The following LDLRAD3 variants were observed in gnomAD, a reference collection of about 807,000 sequenced individuals.
LDLRAD3 encodes low density lipoprotein receptor class A domain containing 3.
Under a neutral mutation model 29.4 loss-of-function variants are expected in LDLRAD3, and 20 were observed. That is an observed-to-expected ratio of 0.68 (90% CI 0.48 to 0.99). The LOEUF (loss-of-function observed/expected upper bound fraction) is 0.99. LDLRAD3 is among the 50% of genes least tolerant of loss of function. The pLI is 0.00. For missense variants in LDLRAD3, 420 were observed against 454.3 expected (o/e 0.92, Z 0.69); for synonymous variants, 157 against 192.7 (o/e 0.81, Z 1.53).
intron 4 of LDLRAD3, chr11:36,101,953 A>G (rs575265595): frequency 1.4e-4 from 36 of 260,438 alleles, no homozygotes; most frequent in South Asian, 6.0e-4. Context: ...CAGTGGCACA[A>G]TCTCGGCTCA....
chr11:36,085,727 T>A (rs2133261351), intron 3 of LDLRAD3, among the ~76,000 whole-genome samples: 1 of 152,208 alleles, frequency 6.6e-6, no homozygotes, highest in Admixed American at 6.5e-5. Context: ...TCCTCCCTCC[T>A]CAGCCTCCTG....
chr11:36,214,912 G>A (rs1056246597), intron 4 of LDLRAD3, among the ~76,000 whole-genome samples: 21 of 152,318 alleles, frequency 1.4e-4, no homozygotes, highest in African/African-American at 2.9e-4. Flanking sequence ...GGGATTCAGG[G>A]ATGAGCAAGC....
chr11:36,135,512 C>T (rs965101856), intron 4 of LDLRAD3, among the ~76,000 whole-genome samples: 1 of 152,180 alleles, frequency 6.6e-6, no homozygotes, highest in Admixed American at 6.5e-5. Context: ...ATCACCTACC[C>T]ATCTCCCAAA....
chr11:36,180,794 C>G (rs1453201704), intron 4 of LDLRAD3, among the ~76,000 whole-genome samples: 1 of 151,994 alleles, frequency 6.6e-6, no homozygotes, highest in East Asian at 1.9e-4. Context: ...CCAAGGCCAG[C>G]GTGTGCCAAT....
chr11:36,029,802 TGTA>T (rs1852213089), intron 1 of LDLRAD3, among the ~76,000 whole-genome samples: 1 of 152,132 alleles, frequency 6.6e-6, no homozygotes, highest in Admixed American at 6.5e-5. Flanking sequence ...GCTTTACCCT[TGTA>T]GGAGAAACAA....
intron 1 of LDLRAD3, among the ~76,000 whole-genome samples, chr11:35,986,372 A>G (rs1329155161): frequency 1.3e-5 from 2 of 152,208 alleles, no homozygotes; most frequent in East Asian, 3.8e-4. Context: ...CTCTACCAGA[A>G]TATTGTTGAT....
At chr11:36,225,694 T>C (rs552510151) in intron 4 of LDLRAD3, among the ~76,000 whole-genome samples, 79 of 152,084 alleles carry the variant, frequency 5.2e-4, no homozygotes, top group African/African-American at 1.6e-3. Flanking sequence ...TTCTCTGAGC[T>C]TCATTTTCTT....
At chr11:35,992,452 C>T (rs1392789967) in intron 1 of LDLRAD3, among the ~76,000 whole-genome samples, 2 of 152,058 alleles carry the variant, frequency 1.3e-5, no homozygotes, top group African/African-American at 4.8e-5. Flanking sequence ...CACATGTTCC[C>T]CAGTGGATGA....
intron 4 of LDLRAD3, among the ~76,000 whole-genome samples, chr11:36,184,922 C>T (rs549675901): frequency 1.6e-4 from 24 of 152,330 alleles, no homozygotes; most frequent in Admixed American, 1.2e-3. Flanking sequence ...AACTGAAACT[C>T]AAGTTGGTCT....
intron 1 of LDLRAD3, among the ~76,000 whole-genome samples, chr11:35,962,721 T>C (rs10488822): frequency 0.38 from 57,442 of 152,012 alleles, 10,981 homozygotes; most frequent in East Asian, 0.55. Flanking sequence ...GTTTGCGAGA[T>C]GGAAGAGGAA....
chr11:36,067,620 G>A (rs1393721571), intron 2 of LDLRAD3, among the ~76,000 whole-genome samples: 2 of 151,746 alleles, frequency 1.3e-5, no homozygotes, highest in East Asian at 3.9e-4. Context: ...CCAATAAGTG[G>A]TAGACACAAC....
At chr11:36,204,933 T>C (rs116762552) in intron 4 of LDLRAD3, among the ~76,000 whole-genome samples, 1,785 of 152,292 alleles carry the variant, frequency 0.012, 35 homozygotes, top group African/African-American at 0.041. Flanking sequence ...TCTGCAGAAG[T>C]CCCTTGAGCA....
intron 4 of LDLRAD3, among the ~76,000 whole-genome samples, chr11:36,127,935 G>A (rs1853861563): frequency 6.6e-6 from 1 of 151,656 alleles, no homozygotes; most frequent in South Asian, 2.1e-4. Context: ...CAGTTGAGGT[G>A]TTTTAATGCC....
chr11:36,109,699 G>A (rs985186798), intron 4 of LDLRAD3, among the ~76,000 whole-genome samples: 2 of 152,100 alleles, frequency 1.3e-5, no homozygotes, highest in Non-Finnish European at 2.9e-5. Flanking sequence ...CATGTGATAG[G>A]AGAAGTGCTA....
At chr11:36,056,180 A>G (rs993410460) in intron 2 of LDLRAD3, among the ~76,000 whole-genome samples, 1 of 151,840 alleles carries the variant, frequency 6.6e-6, no homozygotes, top group South Asian at 2.1e-4. Flanking sequence ...TTTTTAGTAG[A>G]GACAGGGTTT....
intron 2 of LDLRAD3, among the ~76,000 whole-genome samples, chr11:36,076,222 GTCCATCCATCCATCCATCCA>G (rs56767260): frequency 2.1e-5 from 3 of 145,402 alleles, no homozygotes; most frequent in South Asian, 2.4e-4. Flanking sequence ...CTGTCCATCC[GTCCATCCATCCATCCATCCA>G]TCCATCCATC....
rs144280652 is a variant in LDLRAD3 at position 36,006,082 on chromosome 11, A to G, written c.47-30021A>G. Among the ~76,000 whole-genome samples the G allele has an allele frequency of 1.5e-3, 235 of 152,218 alleles. 1 individual carries two copies. The highest frequency in any genetic ancestry group is 5.4e-3 in the African/African-American group (226 of 41,550). ...AACAAAAACTGCGCCCTTGCCCACT[A>G]TAGATGCCCAGTCGTTCCTCATCCC... On this transcript the variant is annotated intron_variant, in intron 1 of 5. Transcript: ENST00000315571.
intron 2 of LDLRAD3, among the ~76,000 whole-genome samples, chr11:36,059,782 T>C (rs538917265): frequency 6.5e-4 from 92 of 142,242 alleles, no homozygotes; most frequent in African/African-American, 2.8e-3. Flanking sequence ...TTGTTTTTTG[T>C]TTTTTCTTTT....
At chr11:36,229,087 T>C in intron 5 of LDLRAD3, 73 bp from the exon 6 acceptor site, 1 of 1,049,764 alleles carries the variant, frequency 9.5e-7, no homozygotes, top group Non-Finnish European at 1.5e-6. Flanking sequence ...TGAAGTTGGC[T>C]TATCTTGGCC....
Sources: allele counts gnomAD v4.1 joint callset (sites outside exome capture counted in the v4.1 genomes callset), GRCh38; gene constraint gnomAD v4.1.1; transcripts MANE v1.5; gene names NCBI Gene and HGNC (gene_info 2026-07-23, HGNC 2026-07-21).